Variants in IL1RAPL1 observed in about 807,000 individuals in gnomAD.
IL1RAPL1 encodes the protein interleukin 1 receptor accessory protein like 1.
IL1RAPL1 carries 3 observed loss-of-function variants against 48.4 expected under a neutral mutation model. That is an observed-to-expected ratio of 0.06 (90% CI 0.03 to 0.16). The LOEUF (loss-of-function observed/expected upper bound fraction) is 0.16, where lower values mean the gene tolerates loss of function less well. Ranked by LOEUF, IL1RAPL1 falls within the 10% of genes least tolerant of loss-of-function variation. The pLI, the probability that IL1RAPL1 is intolerant of heterozygous loss-of-function variation, is 1.00. For synonymous variants in IL1RAPL1, 185 were observed against 187.7 expected (o/e 0.99, Z 0.12); for missense variants, 349 against 530.6 (o/e 0.66, Z 3.36).
chrX:29,108,893 G>GAA (rs1223823942), intron 2 of IL1RAPL1, among the ~76,000 whole-genome samples: 1 of 110,908 alleles, frequency 9.0e-6, no homozygotes, highest in African/African-American at 3.3e-5. Flanking sequence ...GAAGATTCAT[G>GAA]AAAAAAATGC....
At chrX:29,630,912 G>A (rs945595301) in intron 5 of IL1RAPL1, among the ~76,000 whole-genome samples, 5 of 112,293 alleles carry the variant, frequency 4.5e-5, no homozygotes, top group Non-Finnish European at 9.4e-5. Flanking sequence ...TATTAAATTT[G>A]CATTTTGACT....
rs1223504069 is a variant in IL1RAPL1, at chrX:29,520,689, T to C, written c.703+121381T>C. Among the ~76,000 whole-genome samples the C allele has an allele frequency of 2.7e-5, 3 of 111,799 alleles. No homozygotes were observed. The South Asian group carries it at 1.1e-3, about 41-fold the overall frequency. ...GTTTTCTAGGATTTTAGTTTGTTCT[T>C]GCTCCCAAATAACAAAAGGCTTATT... On this transcript the variant is annotated intron_variant, in intron 5 of 10. Transcript: ENST00000378993.
intron 2 of IL1RAPL1, among the ~76,000 whole-genome samples, chrX:28,936,566 T>G (rs1187462565): frequency 9.1e-6 from 1 of 110,480 alleles, no homozygotes; most frequent in Non-Finnish European, 1.9e-5. Flanking sequence ...TATATACTTA[T>G]GTGTGTATAT....
chrX:29,476,872 C>T lies in IL1RAPL1; in HGVS notation c.703+77564C>T, dbSNP rs370359988. On this transcript the variant is annotated intron_variant, in intron 5 of 10. Transcript: ENST00000378993. ...GACTCATTTACTTTTTACCCATATT[C>T]TTTTTTTTTTTTTTTTTTTGAGACG... Among the ~76,000 whole-genome samples the T allele has an allele frequency of 8.9e-4, 48 of 53,847 alleles. 1 individual carries two copies. Among genetic ancestry groups the T allele is most frequent in the African/African-American group, 2.2e-3 (16 of 7,318 alleles). 46.8% of individuals were successfully genotyped at this position (53,847 alleles called of 115,157 possible).
chrX:29,073,539 A>T (rs1033768702), intron 2 of IL1RAPL1, among the ~76,000 whole-genome samples: 4 of 111,169 alleles, frequency 3.6e-5, no homozygotes, highest in Non-Finnish European at 7.6e-5. Context: ...TTCTTATTAT[A>T]ATTTCTTTAC....
At chrX:29,533,110 A>G (rs950037057) in intron 5 of IL1RAPL1, among the ~76,000 whole-genome samples, 1 of 112,397 alleles carries the variant, frequency 8.9e-6, no homozygotes, top group Non-Finnish European at 1.9e-5. Flanking sequence ...CTTCACTGAG[A>G]TATAATTCAT....
intron 2 of IL1RAPL1, among the ~76,000 whole-genome samples, chrX:28,942,910 C>A (rs755896045): frequency 1.1e-4 from 12 of 110,206 alleles, no homozygotes; most frequent in African/African-American, 3.9e-4. Context: ...AAATGAAAAA[C>A]CATGTAATAA....
intron 2 of IL1RAPL1, among the ~76,000 whole-genome samples, chrX:28,958,232 A>G (rs761494849): frequency 1.8e-5 from 2 of 110,963 alleles, no homozygotes; most frequent in African/African-American, 3.3e-5. Context: ...CCTCCTATCT[A>G]TCTGAAAATT....
intron 5 of IL1RAPL1, among the ~76,000 whole-genome samples, chrX:29,623,281 C>CAA (rs778619420): frequency 7.3e-4 from 64 of 88,135 alleles, no homozygotes; most frequent in African/African-American, 2.5e-3. Context: ...GACTCCGTCT[C>CAA]AAAAAAAAAA....
intron 6 of IL1RAPL1, among the ~76,000 whole-genome samples, chrX:29,684,475 G>T (rs1926561096): frequency 9.0e-6 from 1 of 110,960 alleles, no homozygotes. Context: ...AATTGGGTGG[G>T]GGGATGAAAA....
chrX:29,086,913 T>C (rs1030881642), intron 2 of IL1RAPL1, among the ~76,000 whole-genome samples: 1 of 111,502 alleles, frequency 9.0e-6, no homozygotes, highest in Non-Finnish European at 1.9e-5. Flanking sequence ...AGGTAGAGTT[T>C]AGTTTAACAA....
chrX:29,277,351 C>A (rs971286548), intron 2 of IL1RAPL1, among the ~76,000 whole-genome samples: 3 of 111,762 alleles, frequency 2.7e-5, no homozygotes, highest in Non-Finnish European at 3.8e-5. Context: ...AAAGAAGATT[C>A]AAAAACAAGT....
At chrX:29,317,847 C>G (rs753865394) in intron 3 of IL1RAPL1, among the ~76,000 whole-genome samples, 1 of 111,978 alleles carries the variant, frequency 8.9e-6, no homozygotes, top group South Asian at 3.7e-4. Context: ...CATATATTCT[C>G]TCTTTTTGGT....
chrX:29,910,385 A>T (rs866519924), intron 6 of IL1RAPL1, among the ~76,000 whole-genome samples: 54 of 100,166 alleles, frequency 5.4e-4, no homozygotes, highest in Non-Finnish European at 4.2e-4. Flanking sequence ...GTAAAAATTT[A>T]AAAAAAAAAA....
chrX:29,292,368 T>G (rs1932383752), intron 3 of IL1RAPL1, among the ~76,000 whole-genome samples: 3 of 111,568 alleles, frequency 2.7e-5, no homozygotes, highest in Non-Finnish European at 3.8e-5. Flanking sequence ...AATATACCTT[T>G]ACTGTCACCT....
At chrX:29,247,219 T>C (rs1212045115) in intron 2 of IL1RAPL1, among the ~76,000 whole-genome samples, 1 of 111,904 alleles carries the variant, frequency 8.9e-6, no homozygotes, top group Non-Finnish European at 1.9e-5. Flanking sequence ...ACAAGGAATA[T>C]TGGATATTAG....
At chrX:28,724,277 C>T (rs1444923614) in intron 1 of IL1RAPL1, among the ~76,000 whole-genome samples, 1 of 111,343 alleles carries the variant, frequency 9.0e-6, no homozygotes, top group Non-Finnish European at 1.9e-5. Context: ...TCTGGGTGCT[C>T]CTGTATTGGG....
intron 6 of IL1RAPL1, among the ~76,000 whole-genome samples, chrX:29,775,492 T>C (rs775465242): frequency 9.0e-6 from 1 of 111,405 alleles, no homozygotes; most frequent in African/African-American, 3.3e-5. Context: ...ACAGAACACA[T>C]TGTAAGAGCA....
chrX:29,526,750 A>G (rs1298353936), intron 5 of IL1RAPL1, among the ~76,000 whole-genome samples: 1 of 112,348 alleles, frequency 8.9e-6, no homozygotes, highest in Non-Finnish European at 1.9e-5. Flanking sequence ...TTTCTGAAAG[A>G]CACACAGAAG....
Sources: gnomAD v4.1 joint callset for allele counts (sites outside exome capture counted in the v4.1 genomes callset) on GRCh38, gnomAD v4.1.1 for gene constraint, MANE v1.5 for transcripts, NCBI Gene and HGNC (gene_info 2026-07-23, HGNC 2026-07-21) for gene names.